DPYD: variants seen among roughly 807,000 people sequenced by gnomAD.
DPYD encodes dihydropyrimidine dehydrogenase [NADP(+)].
DPYD carries 109 observed loss-of-function variants against 116.2 expected under a neutral mutation model. That is an observed-to-expected ratio of 0.94 (90% CI 0.80 to 1.10). The LOEUF is 1.10. Ranked by LOEUF, DPYD falls within the 50% of genes least tolerant of loss-of-function variation. The pLI is 0.00. For synonymous variants in DPYD, 440 were observed against 432.0 expected, an observed-to-expected ratio of 1.02 and a Z score of -0.23; for missense variants, 1,302 against 1,254.5, an observed-to-expected ratio of 1.04 and a Z score of -0.57.
chr1:97,733,270 T>A (rs755382837), intron 4 of DPYD, among the ~76,000 whole-genome samples: 2 of 152,074 alleles, frequency 1.3e-5, no homozygotes, highest in Non-Finnish European at 2.9e-5. Flanking sequence ...TTAATTTTAC[T>A]ACTGAATTTT....
chr1:97,088,709 C>G (rs534079233), intron 21 of DPYD, among the ~76,000 whole-genome samples: 8 of 152,174 alleles, frequency 5.3e-5, no homozygotes, highest in Non-Finnish European at 1.2e-4. Flanking sequence ...GCCCTTCCAT[C>G]AGACCCATTT....
intron 18 of DPYD, among the ~76,000 whole-genome samples, chr1:97,302,186 A>T (rs1666905135): frequency 6.6e-6 from 1 of 152,014 alleles, no homozygotes; most frequent in African/African-American, 2.4e-5. Flanking sequence ...ACTTAGTGTT[A>T]CATCTATACT....
intron 16 of DPYD, among the ~76,000 whole-genome samples, chr1:97,330,146 C>T (rs928770026): frequency 6.6e-6 from 1 of 151,946 alleles, no homozygotes; most frequent in South Asian, 2.1e-4. Flanking sequence ...CTGTATTTTG[C>T]CCTGACACAA....
intron 20 of DPYD, among the ~76,000 whole-genome samples, chr1:97,188,686 T>G (rs1052826052): frequency 1.3e-5 from 2 of 152,138 alleles, no homozygotes; most frequent in African/African-American, 4.8e-5. Flanking sequence ...GAAGTGACAT[T>G]TAAGATAGAT....
intron 2 of DPYD, among the ~76,000 whole-genome samples, chr1:97,836,439 G>T (rs1669776158): frequency 6.6e-6 from 1 of 152,074 alleles, no homozygotes; most frequent in African/African-American, 2.4e-5. Flanking sequence ...AGATGGTATG[G>T]CTGTGTAATG....
At chr1:97,660,068 A>C (rs539145845) in intron 8 of DPYD, among the ~76,000 whole-genome samples, 18 of 152,266 alleles carry the variant, frequency 1.2e-4, no homozygotes, top group Admixed American at 3.3e-4. Flanking sequence ...AGGACTAACA[A>C]TTTGCTAAAA....
chr1:97,195,876 G>C (rs1160692867), intron 19 of DPYD, among the ~76,000 whole-genome samples: 1 of 151,096 alleles, frequency 6.6e-6, no homozygotes, highest in African/African-American at 2.4e-5. Context: ...GAATATCAGA[G>C]CTGGAAGCGA....
chr1:97,322,147 G>C (rs996826654), intron 16 of DPYD, among the ~76,000 whole-genome samples: 1 of 144,104 alleles, frequency 6.9e-6, no homozygotes, highest in Admixed American at 7.0e-5. Context: ...TGACGCGTTA[G>C]TGGGTGCAGT....
intron 19 of DPYD, among the ~76,000 whole-genome samples, chr1:97,211,338 A>G (rs747122907): frequency 1.2e-4 from 18 of 152,168 alleles, no homozygotes; most frequent in Non-Finnish European, 2.5e-4. Context: ...GTATCCTCCC[A>G]GTCACTATCA....
At chr1:97,472,346 T>C (rs971154044) in intron 13 of DPYD, among the ~76,000 whole-genome samples, 1 of 152,236 alleles carries the variant, frequency 6.6e-6, no homozygotes, top group African/African-American at 2.4e-5. Context: ...ACCCACCTGG[T>C]TGCAGCCTCT....
intron 12 of DPYD, among the ~76,000 whole-genome samples, chr1:97,533,714 T>C (rs192238891): frequency 1.3e-5 from 2 of 152,314 alleles, no homozygotes; most frequent in Admixed American, 1.3e-4. Context: ...CAACAACATA[T>C]CAGCCAATAC....
rs192055416 is a variant in DPYD at position 97,700,111 on chromosome 1, C to A, written c.484-564G>T. On this transcript the variant is annotated intron_variant, in intron 5 of 22. Coordinates refer to ENST00000370192, the MANE Select transcript of DPYD (RefSeq NM_000110.4). ...TACTGACGCAGGCATCTTGGAAGGG[C>A]TAACATCTCAGAGGAAAGTAAGAAC... is the stretch of plus-strand genomic sequence containing the variant. 652 of 399,494 alleles carry A rather than the reference C, an allele frequency of 1.6e-3. 9 individuals are homozygous for A. Among genetic ancestry groups the A allele is most frequent in the South Asian group, 0.012 (636 of 54,544 alleles). The allele number at this position is 399,494 out of a possible 1,614,324, so 24.7% of individuals were successfully genotyped here. A position where few individuals can be genotyped will look rare whatever the true frequency, so the allele number is the denominator to read the frequency against.
At chr1:97,279,190 C>T (rs1665146445) in intron 18 of DPYD, among the ~76,000 whole-genome samples, 2 of 152,040 alleles carry the variant, frequency 1.3e-5, no homozygotes, top group African/African-American at 4.8e-5. Context: ...TTTGAAATTA[C>T]ATTAAGCATA....
At chr1:97,746,106 A>C (rs1244497366) in intron 3 of DPYD, among the ~76,000 whole-genome samples, 2 of 152,082 alleles carry the variant, frequency 1.3e-5, no homozygotes, top group African/African-American at 4.8e-5. Context: ...TTGAAGGCTT[A>C]CCCAACCTTA....
At chr1:97,407,219 G>A (rs185623680) in intron 14 of DPYD, among the ~76,000 whole-genome samples, 24 of 152,264 alleles carry the variant, frequency 1.6e-4, no homozygotes, top group African/African-American at 5.5e-4. Context: ...TACATGGAAT[G>A]ATGCACAACA....
intron 20 of DPYD, among the ~76,000 whole-genome samples, chr1:97,126,238 G>A (rs1652821815): frequency 6.6e-6 from 1 of 152,084 alleles, no homozygotes; most frequent in Admixed American, 6.6e-5. Flanking sequence ...TGATAAATTT[G>A]CTCAAGTAGA....
intron 16 of DPYD, among the ~76,000 whole-genome samples, chr1:97,336,637 C>A (rs1378630724): frequency 6.6e-6 from 1 of 152,180 alleles, no homozygotes; most frequent in East Asian, 1.9e-4. Context: ...GTAGTCCCAG[C>A]TACTCAGAAG....
intron 14 of DPYD, among the ~76,000 whole-genome samples, chr1:97,389,881 G>A (rs1300849577): frequency 2.1e-5 from 3 of 143,428 alleles, no homozygotes; most frequent in African/African-American, 7.9e-5. Context: ...AAAAAAAGTA[G>A]TGCTATATGG....
intron 2 of DPYD, among the ~76,000 whole-genome samples, chr1:97,842,700 T>A (rs1327112115): frequency 6.6e-6 from 1 of 152,042 alleles, no homozygotes; most frequent in Non-Finnish European, 1.5e-5. Flanking sequence ...CACTGACACA[T>A]TGCTGAAATC....
Sources: gnomAD v4.1 joint callset for allele counts (sites outside exome capture counted in the v4.1 genomes callset) on GRCh38, gnomAD v4.1.1 for gene constraint, MANE v1.5 for transcripts, NCBI Gene and HGNC (gene_info 2026-07-23, HGNC 2026-07-21) for gene names.